Variants in SLC39A11 observed in about 807,000 individuals in gnomAD.
SLC39A11 encodes zinc transporter ZIP11.
A neutral mutation model predicts 36.1 loss-of-function variants in SLC39A11; 33 were observed. That is an observed-to-expected ratio of 0.91 (90% CI 0.69 to 1.22). The LOEUF (loss-of-function observed/expected upper bound fraction) is 1.22, where lower values mean the gene tolerates loss of function less well. Ranked by LOEUF, SLC39A11 falls within the 50% of genes most tolerant of loss-of-function variation. The pLI, the probability that SLC39A11 is intolerant of heterozygous loss-of-function variation, is 0.00. For missense variants in SLC39A11, 432 were observed against 430.3 expected (o/e 1.00, Z -0.03); for synonymous variants, 166 against 170.3 (o/e 0.97, Z 0.20).
intron 4 of SLC39A11, among the ~76,000 whole-genome samples, chr17:73,001,043 G>A (rs996342662): frequency 6.6e-6 from 1 of 152,032 alleles, no homozygotes. Context: ...TCTTCATTGT[G>A]CCCTAGCCTA....
chr17:73,079,462 C>T lies in SLC39A11; in HGVS notation c.147+5346G>A, dbSNP rs540392327. ...TATCTGCATACATTTTAGATTAAAA[C>T]CCTCAGTAAAATCAGCATAGAAGAG... On this transcript the variant is annotated intron_variant, in intron 3 of 9. Transcript: ENST00000255559. Among the ~76,000 whole-genome samples, 34 of 152,210 alleles carry T rather than the reference C, an allele frequency of 2.2e-4. No homozygotes were observed. The Middle Eastern group carries it at 0.031, about 137-fold the overall frequency.
In SLC39A11 at chr17:73,059,750, A is replaced by G. The variant is rs531045219; in HGVS notation, c.147+25058T>C. ...GTTAAGTGAAGCTATGAGGTATGAA[A>G]TATGTGTCTTTGTTAAGGAAAAAAA... On this transcript the variant is annotated intron_variant, in intron 3 of 9. Coordinates refer to ENST00000255559, the MANE Select transcript of SLC39A11 (RefSeq NM_139177.4). Among the ~76,000 whole-genome samples, 5 of 152,174 alleles carry G rather than the reference A, an allele frequency of 3.3e-5. No individual in the cohort carries two copies. In the East Asian group the frequency reaches 9.6e-4, roughly 29 times the overall value.
chr17:72,778,019 C>A (rs2076194061), intron 6 of SLC39A11, among the ~76,000 whole-genome samples: 1 of 152,146 alleles, frequency 6.6e-6, no homozygotes, highest in African/African-American at 2.4e-5. Context: ...ATTCTTCTGC[C>A]TCAGCCTCCT....
intron 6 of SLC39A11, among the ~76,000 whole-genome samples, chr17:72,774,470 A>G (rs1003654648): frequency 2.6e-5 from 4 of 152,240 alleles, no homozygotes; most frequent in African/African-American, 9.6e-5. Context: ...TTCATTTTAC[A>G]AAACAGTAGC....
chr17:72,880,101 G>A (rs1344505401), intron 5 of SLC39A11, among the ~76,000 whole-genome samples: 1 of 152,224 alleles, frequency 6.6e-6, no homozygotes, highest in Non-Finnish European at 1.5e-5. Flanking sequence ...GTTTCAGTGT[G>A]TTGGTCTGTT....
intron 6 of SLC39A11, among the ~76,000 whole-genome samples, chr17:72,803,049 CG>C (rs950043443): frequency 8.5e-5 from 13 of 152,216 alleles, no homozygotes; most frequent in Non-Finnish European, 5.9e-5. Context: ...CAAACAAAAA[CG>C]GAACGTCCTG....
chr17:72,806,130 T>A (rs537368442), intron 6 of SLC39A11, among the ~76,000 whole-genome samples: 6 of 152,294 alleles, frequency 3.9e-5, no homozygotes, highest in Admixed American at 3.9e-4. Flanking sequence ...TAATTAGAGA[T>A]CCTTTTGGAC....
intron 5 of SLC39A11, among the ~76,000 whole-genome samples, chr17:72,858,820 A>G (rs991832940): frequency 3.3e-5 from 5 of 152,204 alleles, no homozygotes; most frequent in Non-Finnish European, 7.3e-5. Context: ...ATTTTTGTAC[A>G]GTGATTTTGT....
chr17:73,073,040 C>T lies in SLC39A11; in HGVS notation c.147+11768G>A, dbSNP rs867990134. On this transcript the variant is annotated intron_variant, in intron 3 of 9. Transcript: ENST00000255559. ...ACTAAAAATACAAAAATTAGCTGGA[C>T]GTGGTGGCAGGCGTCTGTAAGCCCA... Among the ~76,000 whole-genome samples the T allele has an allele frequency of 7.2e-5, 11 of 152,232 alleles. 1 individual carries two copies. Among genetic ancestry groups the T allele is most frequent in the Middle Eastern group, 3.4e-3 (1 of 294 alleles).
At chr17:72,781,564 CAG>C (rs2076320843) in intron 6 of SLC39A11, among the ~76,000 whole-genome samples, 1 of 152,152 alleles carries the variant, frequency 6.6e-6, no homozygotes, top group Non-Finnish European at 1.5e-5. Context: ...GCTGGGATTA[CAG>C]GCACCCGCCA....
At chr17:72,976,094 TG>T (rs1275947545) in intron 4 of SLC39A11, among the ~76,000 whole-genome samples, 2 of 134,464 alleles carry the variant, frequency 1.5e-5, no homozygotes, top group Admixed American at 1.7e-4. Context: ...CACTTGAACC[TG>T]GGAGGAGGAG....
At chr17:72,897,765 AC>A (rs940337042) in intron 5 of SLC39A11, among the ~76,000 whole-genome samples, 1 of 152,184 alleles carries the variant, frequency 6.6e-6, no homozygotes, top group Non-Finnish European at 1.5e-5. Flanking sequence ...GAAAACAAAA[AC>A]AAAAACAAAA....
chr17:72,878,036 T>A (rs182500089), intron 5 of SLC39A11, among the ~76,000 whole-genome samples: 120 of 140,312 alleles, frequency 8.6e-4, no homozygotes, highest in South Asian at 1.5e-3. Flanking sequence ...GTTCTCATTG[T>A]TCAATTCCCG....
chr17:72,730,928 T>G (rs536037809), intron 7 of SLC39A11, among the ~76,000 whole-genome samples: 3 of 152,182 alleles, frequency 2.0e-5, no homozygotes, highest in Non-Finnish European at 4.4e-5. Flanking sequence ...TTTTTTGTAT[T>G]TTTAGTAGAG....
In SLC39A11 at chr17:72,899,303, C is replaced by T. The variant is rs1272258459; in HGVS notation, c.430+48449G>A. 2.0e-5 allele frequency among the ~76,000 whole-genome samples: 3 copies of T among 146,400 alleles called. No homozygotes were observed. In the East Asian group the frequency reaches 5.8e-4, roughly 28 times the overall value. ...TGGAAATACAGGGTAAGAAAAAAGG[C>T]CCTAAGGAGTCCACCTGCCAAACCC... On this transcript the variant is annotated intron_variant, in intron 5 of 9. Coordinates refer to ENST00000255559, the MANE Select transcript of SLC39A11 (RefSeq NM_139177.4).
chr17:73,066,208 C>T (rs2059991860), intron 3 of SLC39A11, among the ~76,000 whole-genome samples: 1 of 152,158 alleles, frequency 6.6e-6, no homozygotes, highest in Non-Finnish European at 1.5e-5. Context: ...TGAGCAACCA[C>T]ATGGAGAGGC....
chr17:72,713,823 A>G (rs1288157397), intron 7 of SLC39A11, among the ~76,000 whole-genome samples: 1 of 152,134 alleles, frequency 6.6e-6, no homozygotes, highest in Non-Finnish European at 1.5e-5. Flanking sequence ...GGGCTGTGCT[A>G]GATGCTTTTC....
chr17:73,022,800 A>C (rs780072900), intron 4 of SLC39A11, among the ~76,000 whole-genome samples: 2 of 152,062 alleles, frequency 1.3e-5, no homozygotes, highest in Non-Finnish European at 2.9e-5. Context: ...CTGGGAATAC[A>C]TTTGGTACCC....
chr17:72,676,735 A>C (rs1270201103), intron 7 of SLC39A11, among the ~76,000 whole-genome samples: 1 of 152,168 alleles, frequency 6.6e-6, no homozygotes, highest in South Asian at 2.1e-4. Context: ...TGCTTACGTC[A>C]AATGCTCGCT....
Sources: allele counts gnomAD v4.1 joint callset (sites outside exome capture counted in the v4.1 genomes callset), GRCh38; gene constraint gnomAD v4.1.1; transcripts MANE v1.5; gene names NCBI Gene and HGNC (gene_info 2026-07-23, HGNC 2026-07-21).